The following RAF1 variants were observed in gnomAD, a reference collection of about 807,000 sequenced individuals.
The protein encoded by RAF1 is Raf-1 proto-oncogene, serine/threonine kinase.
RAF1 carries 27 observed loss-of-function variants against 81.1 expected under a neutral mutation model. That is an observed-to-expected ratio of 0.33 (90% CI 0.25 to 0.46). RAF1 has a LOEUF of 0.46. Among genes scored for constraint, RAF1 ranks in the 20% least tolerant of loss-of-function variants. The pLI, the probability that RAF1 is intolerant of heterozygous loss-of-function variation, is 1.00. For synonymous variants in RAF1, 298 were observed against 294.0 expected (o/e 1.01, Z -0.14); for missense variants, 598 against 826.0 (o/e 0.72, Z 3.38).
At chr3:12,643,203 C>T (rs2060245863) in intron 1 of RAF1, among the ~76,000 whole-genome samples, 1 of 152,184 alleles carries the variant, frequency 6.6e-6, no homozygotes, top group Admixed American at 6.5e-5. Flanking sequence ...GGCTTCAGCA[C>T]AGAACTCACA....
intron 1 of RAF1, among the ~76,000 whole-genome samples, chr3:12,633,568 T>G (rs1408732933): frequency 6.7e-6 from 1 of 149,890 alleles, no homozygotes; most frequent in Non-Finnish European, 1.5e-5. Flanking sequence ...TAAAATAGCC[T>G]ATCGAATGCC....
chr3:12,627,742 CT>C (rs1273269557), intron 1 of RAF1, among the ~76,000 whole-genome samples: 2 of 152,158 alleles, frequency 1.3e-5, no homozygotes, highest in Non-Finnish European at 2.9e-5. Flanking sequence ...CAATTCATGA[CT>C]GTTATGGTGT....
chr3:12,597,476 G>A (rs937050648), intron 11 of RAF1, among the ~76,000 whole-genome samples: 5 of 152,160 alleles, frequency 3.3e-5, no homozygotes, highest in African/African-American at 1.2e-4. Context: ...ATGTTCTAAT[G>A]CTAACAGAAG....
In RAF1 at chr3:12,587,652, G is replaced by T. The variant is rs371491379; in HGVS notation, c.1431-15C>A. 66 of 1,599,984 alleles carry T rather than the reference G, an allele frequency of 4.1e-5. No individual in the cohort carries two copies. The highest frequency in any genetic ancestry group is 1.1e-4 in the African/African-American group (8 of 74,686). ...CATGCAAATAGCTGTGAAGGGAAAA[G>T]AAATTATTAAAAATAAGTTTGAGGG... On this transcript the variant is annotated splice_polypyrimidine_tract_variant and intron_variant, in intron 13 of 17. Transcript: ENST00000442415.
At position 12,637,567 on chromosome 3, in the gene RAF1, T is replaced by C. The variant is rs1318816773; in HGVS notation, c.-26-18820A>G. Among the ~76,000 whole-genome samples, 5 of 152,058 alleles carry C rather than the reference T, an allele frequency of 3.3e-5. No individual in the cohort carries two copies. The East Asian group carries it at 9.7e-4, about 29-fold the overall frequency. On this transcript the variant is annotated intron_variant, in intron 1 of 17. Coordinates refer to ENST00000442415, the MANE Select transcript of RAF1 (RefSeq NM_001354689.3). ...TCTGTCCTCTATGGAGCACAGTCAT[T>C]GTGTTCTTAAAACACAAATGGAGGC... is the stretch of plus-strand genomic sequence containing the variant.
At chr3:12,587,457 G>T in intron 14 of RAF1, 134 bp downstream of exon 13, 1 of 907,012 alleles carries the variant, frequency 1.1e-6, no homozygotes, top group Non-Finnish European at 1.8e-6. Flanking sequence ...TGACTTTTCT[G>T]TTTTCCTGTC....
chr3:12,631,004 CTG>C (rs1394137096), intron 1 of RAF1, among the ~76,000 whole-genome samples: 1 of 152,070 alleles, frequency 6.6e-6, no homozygotes, highest in Admixed American at 6.6e-5. Context: ...TGGGGTTTCA[CTG>C]TGTTGGCCAG....
chr3:12,635,435 G>C (rs911363656), intron 1 of RAF1, among the ~76,000 whole-genome samples: 7 of 149,490 alleles, frequency 4.7e-5, no homozygotes, highest in Non-Finnish European at 8.9e-5. Context: ...TCAGGAGTTC[G>C]AGACCAGCCT....
chr3:12,636,256 A>G (rs1329009206), intron 1 of RAF1, among the ~76,000 whole-genome samples: 1 of 151,340 alleles, frequency 6.6e-6, no homozygotes, highest in Non-Finnish European at 1.5e-5. Context: ...ACTGCACTCC[A>G]GCCTGGGTGA....
intron 1 of RAF1, among the ~76,000 whole-genome samples, chr3:12,653,013 A>ATAG (rs2060581433): frequency 6.6e-6 from 1 of 151,422 alleles, no homozygotes; most frequent in Non-Finnish European, 1.5e-5. Flanking sequence ...TGGGTGCGGT[A>ATAG]GCTCATGCCT....
Position 12,639,843 on chromosome 3 carries a change from T to C in RAF1, c.-26-21096A>G, listed in dbSNP as rs1396547857. The stretch of plus-strand genomic sequence containing the variant: ...CATCCCCATCAAGCTACCAATGACT[T>C]TCTTCACAGAATTGGAAAAAACTAC... On this transcript the variant is annotated intron_variant, in intron 1 of 17. Coordinates refer to ENST00000442415, the MANE Select transcript of RAF1 (RefSeq NM_001354689.3). Among the ~76,000 whole-genome samples the C allele has an allele frequency of 2.0e-5, 3 of 152,296 alleles. No individual in the cohort carries two copies. The East Asian group carries it at 5.8e-4, about 29-fold the overall frequency.
intron 11 of RAF1, among the ~76,000 whole-genome samples, chr3:12,592,514 A>G (rs2125351060): frequency 1.3e-5 from 2 of 152,288 alleles, no homozygotes; most frequent in Non-Finnish European, 2.9e-5. Flanking sequence ...ATCTTCACAG[A>G]CAACAAGCTG....
intron 14 of RAF1, among the ~76,000 whole-genome samples, chr3:12,586,160 A>G (rs544613207): frequency 1.0e-3 from 159 of 152,340 alleles, no homozygotes; most frequent in African/African-American, 2.7e-3. Context: ...GCCACACTCC[A>G]GTGCTCCCCA....
intron 1 of RAF1, among the ~76,000 whole-genome samples, chr3:12,623,160 C>T (rs1191344408): frequency 2.6e-5 from 4 of 152,176 alleles, no homozygotes; most frequent in African/African-American, 7.2e-5. Flanking sequence ...AGCACTCCTG[C>T]CACACTTGTG....
In RAF1 at chr3:12,635,659, A is replaced by AAG. The variant is rs1199727149; in HGVS notation, c.-26-16914_-26-16913dup. ...CTCCAAAAAAAAAAAAAAAAAAAAA[A>AAG]AGAGAGAGAGAGATTACTTTATAAA... On this transcript the variant is annotated intron_variant, in intron 1 of 17. Transcript: ENST00000442415. 4.1e-3 allele frequency among the ~76,000 whole-genome samples: 513 copies of AAG among 123,666 alleles called. 17 individuals are homozygous for AAG. The highest frequency in any genetic ancestry group is 9.0e-3 in the Middle Eastern group (2 of 222). 81.1% of individuals were successfully genotyped at this position (123,666 alleles called of 152,430 possible). A position where few individuals can be genotyped will look rare whatever the true frequency, so the allele number is the denominator to read the frequency against.
At position 12,625,000 on chromosome 3, in the gene RAF1, G is replaced by A. The variant is rs193049679; in HGVS notation, c.-26-6253C>T. ...TAAATTCACAGAAAAGCAATACAAA[G>A]GCCAACAAACATATATGTTTATATA... On this transcript the variant is annotated intron_variant, in intron 1 of 17. Coordinates refer to ENST00000442415, the MANE Select transcript of RAF1 (RefSeq NM_001354689.3). 9.2e-4 allele frequency among the ~76,000 whole-genome samples: 140 copies of A among 151,374 alleles called. 3 individuals are homozygous for A. Among genetic ancestry groups the A allele is most frequent in the Admixed American group, 9.1e-3 (139 of 15,210 alleles).
intron 1 of RAF1, among the ~76,000 whole-genome samples, chr3:12,655,951 ACT>A (rs1378509806): frequency 6.6e-6 from 1 of 151,686 alleles, no homozygotes; most frequent in African/African-American, 2.4e-5. Flanking sequence ...CTTAATGAGT[ACT>A]GTTTCTGTTT....
At chr3:12,623,655 G>A (rs1333967445) in intron 1 of RAF1, among the ~76,000 whole-genome samples, 1 of 151,786 alleles carries the variant, frequency 6.6e-6, no homozygotes, top group East Asian at 2.0e-4. Flanking sequence ...TTAGCCGGGC[G>A]TGGTGGTGGG....
At chr3:12,651,124 AG>A (rs1575670775) in intron 1 of RAF1, among the ~76,000 whole-genome samples, 1 of 152,194 alleles carries the variant, frequency 6.6e-6, no homozygotes, top group Non-Finnish European at 1.5e-5. Flanking sequence ...ATAAATAGCA[AG>A]CCTTTTTACT....
Sources: gnomAD v4.1 joint callset for allele counts (sites outside exome capture counted in the v4.1 genomes callset) on GRCh38, gnomAD v4.1.1 for gene constraint, MANE v1.5 for transcripts, NCBI Gene and HGNC (gene_info 2026-07-23, HGNC 2026-07-21) for gene names.